The following DTNBP1 variants were observed in gnomAD, a reference collection of about 807,000 sequenced individuals.
DTNBP1 encodes dystrobrevin binding protein 1, also known as dysbindin.
Under a neutral mutation model 42.8 loss-of-function variants are expected in DTNBP1, and 35 were observed. The ratio of observed to expected loss-of-function variants is 0.82; its 90% CI spans 0.63 to 1.09. DTNBP1 has a LOEUF of 1.09. DTNBP1 is among the 50% of genes least tolerant of loss of function. DTNBP1 has a pLI of 0.00. For synonymous variants in DTNBP1, 171 were observed against 162.2 expected (o/e 1.05, Z -0.41); for missense variants, 457 against 424.2 (o/e 1.08, Z -0.68).
At chr6:15,565,945 C>T (rs150725306) in intron 7 of DTNBP1, among the ~76,000 whole-genome samples, 3 of 152,312 alleles carry the variant, frequency 2.0e-5, no homozygotes, top group East Asian at 1.9e-4. Context: ...AGGAGAAATA[C>T]AGAGTACTCT....
chr6:15,553,393 A>G lies in DTNBP1; in HGVS notation c.512-19998T>C, dbSNP rs372735064. ...ATTATGAAAGACGGTACCATACAAG[A>G]TAGATATTGTTTTAAATTCAGATAA... On this transcript the variant is annotated intron_variant, in intron 7 of 9. Transcript: ENST00000344537. 3.3e-5 allele frequency among the ~76,000 whole-genome samples: 5 copies of G among 151,764 alleles called. No homozygotes were observed. In the East Asian group the frequency reaches 5.8e-4, roughly 18 times the overall value.
intron 1 of DTNBP1, among the ~76,000 whole-genome samples, chr6:15,661,786 T>C (rs924273097): frequency 6.6e-6 from 1 of 152,184 alleles, no homozygotes; most frequent in Non-Finnish European, 1.5e-5. Context: ...TTTAAAGGAA[T>C]GAAAAAATTA....
intron 6 of DTNBP1, chr6:15,595,249 A>C (rs777094722): frequency 7.9e-6 from 3 of 381,302 alleles, no homozygotes; most frequent in South Asian, 3.6e-5. Flanking sequence ...GTATTATGCA[A>C]CTTTTTTTTT....
intron 3 of DTNBP1, among the ~76,000 whole-genome samples, chr6:15,643,148 T>C (rs1581428546): frequency 2.0e-5 from 3 of 152,260 alleles, no homozygotes; most frequent in Middle Eastern, 3.4e-3. Context: ...TAAAATTTAC[T>C]AAAGGAATTT....
At chr6:15,568,943 G>C (rs905628057) in intron 7 of DTNBP1, among the ~76,000 whole-genome samples, 2 of 152,152 alleles carry the variant, frequency 1.3e-5, no homozygotes, top group African/African-American at 4.8e-5. Flanking sequence ...TTTGGGAATG[G>C]GGTCAGTCCC....
chr6:15,542,943 G>A (rs1179661815), intron 7 of DTNBP1, among the ~76,000 whole-genome samples: 5 of 152,066 alleles, frequency 3.3e-5, no homozygotes, highest in Middle Eastern at 3.4e-3. Flanking sequence ...CAGGTGATCC[G>A]CCCACCTGAG....
chr6:15,539,146 G>A (rs536500563), intron 7 of DTNBP1, among the ~76,000 whole-genome samples: 1 of 152,302 alleles, frequency 6.6e-6, no homozygotes, highest in Non-Finnish European at 1.5e-5. Context: ...CTTATATTCT[G>A]ATCTACATAC....
intron 8 of DTNBP1, among the ~76,000 whole-genome samples, chr6:15,531,915 T>A (rs544267073): frequency 9.3e-4 from 142 of 152,346 alleles, no homozygotes; most frequent in Admixed American, 1.9e-3. Context: ...TATAGGCGTA[T>A]GCCACTGCGC....
At chr6:15,548,477 ACACAC>A (rs1315859565) in intron 7 of DTNBP1, 2 of 147,746 alleles carry the variant, frequency 1.4e-5, no homozygotes, top group Non-Finnish European at 1.5e-5. Flanking sequence ...ACACACACAC[ACACAC>A]CACAATTCTT....
intron 1 of DTNBP1, among the ~76,000 whole-genome samples, chr6:15,659,308 C>T (rs13192791): frequency 0.16 from 24,301 of 152,176 alleles, 2,566 homozygotes; most frequent in Non-Finnish European, 0.24. Flanking sequence ...CTGCTCTGGG[C>T]GACAGCGGGA....
chr6:15,526,712 G>A (rs946425934), intron 8 of DTNBP1, among the ~76,000 whole-genome samples: 102 of 152,280 alleles, frequency 6.7e-4, no homozygotes, highest in African/African-American at 2.4e-3. Flanking sequence ...CGCTTCTGAG[G>A]GTTTCCTTTC....
chr6:15,623,537 G>A (rs2113726715), intron 5 of DTNBP1, among the ~76,000 whole-genome samples: 1 of 152,218 alleles, frequency 6.6e-6, no homozygotes, highest in South Asian at 2.1e-4. Flanking sequence ...GAACAACAGA[G>A]TGAGACTCTG....
At chr6:15,653,208 T>A (rs922765518) in intron 1 of DTNBP1, among the ~76,000 whole-genome samples, 2 of 152,230 alleles carry the variant, frequency 1.3e-5, no homozygotes, top group Non-Finnish European at 2.9e-5. Flanking sequence ...ATTTTGTATA[T>A]CTCATTTAAC....
At chr6:15,589,388 C>T (rs192463048) in intron 7 of DTNBP1, among the ~76,000 whole-genome samples, 2 of 152,360 alleles carry the variant, frequency 1.3e-5, no homozygotes, top group Non-Finnish European at 2.9e-5. Flanking sequence ...TTCCCCTTTA[C>T]GGGGTACCTC....
At chr6:15,550,468 G>A (rs1368013135) in intron 7 of DTNBP1, among the ~76,000 whole-genome samples, 1 of 152,100 alleles carries the variant, frequency 6.6e-6, no homozygotes, top group Non-Finnish European at 1.5e-5. Context: ...TTTATCCAAA[G>A]CTCAACATGC....
chr6:15,528,346 C>T (rs748724648), intron 8 of DTNBP1, among the ~76,000 whole-genome samples: 5 of 151,988 alleles, frequency 3.3e-5, no homozygotes, highest in Admixed American at 6.6e-5. Flanking sequence ...AACTGCATCC[C>T]TGGCCTCTGC....
chr6:15,594,000 A>T (rs1226312131), intron 6 of DTNBP1, among the ~76,000 whole-genome samples: 1 of 152,240 alleles, frequency 6.6e-6, no homozygotes, highest in Non-Finnish European at 1.5e-5. Context: ...AGAGACTGGC[A>T]AGCTGCCTAC....
At position 15,655,519 on chromosome 6, in the gene DTNBP1, A is replaced by T. The variant is rs544333474; in HGVS notation, c.57-3379T>A. Among the ~76,000 whole-genome samples, 89 of 152,352 alleles carry T rather than the reference A, an allele frequency of 5.8e-4. 1 individual carries two copies. The South Asian group carries it at 6.4e-3, about 11-fold the overall frequency. On this transcript the variant is annotated intron_variant, in intron 1 of 9. Transcript: ENST00000344537. ...AAATGGCCAATGTGCCAAAATGCAGAAAAGAAACTGTTGGAGAAAACAAAG... is the reference window on the plus strand; with the variant it reads ...AAATGGCCAATGTGCCAAAATGCAGTAAAGAAACTGTTGGAGAAAACAAAG...
intron 5 of DTNBP1, among the ~76,000 whole-genome samples, chr6:15,620,998 T>C (rs1051091340): frequency 5.3e-5 from 8 of 152,222 alleles, no homozygotes; most frequent in Non-Finnish European, 1.2e-4. Flanking sequence ...TAGCTAAGTT[T>C]TATATTTAAT....
Sources: allele counts gnomAD v4.1 joint callset (sites outside exome capture counted in the v4.1 genomes callset), GRCh38; gene constraint gnomAD v4.1.1; transcripts MANE v1.5; gene names NCBI Gene and HGNC (gene_info 2026-07-23, HGNC 2026-07-21).